Variants in C18orf63 observed in about 807,000 individuals in gnomAD.
The protein encoded by C18orf63 is chromosome 18 open reading frame 63.
In C18orf63, 50 loss-of-function variants were observed where a neutral mutation model predicts 75.3. That is an observed-to-expected ratio of 0.66 (90% confidence interval 0.53 to 0.84). The LOEUF (loss-of-function observed/expected upper bound fraction) is 0.84. C18orf63 is among the 40% of genes least tolerant of loss of function. The pLI is 0.00. For synonymous variants in C18orf63, 232 were observed against 267.6 expected, an observed-to-expected ratio of 0.87 and a Z score of 1.30; for missense variants, 732 against 800.2, an observed-to-expected ratio of 0.91 and a Z score of 1.03.
intron 7 of C18orf63, among the ~76,000 whole-genome samples, chr18:74,332,437 G>T (rs1458603005): frequency 6.6e-6 from 1 of 152,148 alleles, no homozygotes; most frequent in Non-Finnish European, 1.5e-5. Context: ...CAGCACGGTG[G>T]CTCACACCTG....
Position 74,353,727 on chromosome 18 carries a change from T to TA in C18orf63, c.1466dup (p.Asn489LysfsTer4), listed in dbSNP as rs1419346145. ...GACAAACTGAATTTAGGTCCAGCTA[T>TA]AAAAAACCGTTATAGTAGTAACATT... On this transcript the variant is annotated frameshift_variant, in exon 12 of 14. Coordinates refer to ENST00000579455, the MANE Select transcript of C18orf63 (RefSeq NM_001174123.2). LOFTEE classifies it high-confidence loss of function. The TA allele has an allele frequency of 1.3e-6, 2 of 1,535,948 alleles. No individual in the cohort carries two copies. Among genetic ancestry groups the TA allele is most frequent in the South Asian group, 1.2e-5 (1 of 84,058 alleles).
chr18:74,354,256 T>G lies in C18orf63; in HGVS notation c.1989T>G (p.Ser663=). 1 of 1,508,632 alleles carries G rather than the reference T, an allele frequency of 6.6e-7. No homozygotes were observed. The highest frequency in any genetic ancestry group is 8.8e-7 in the Non-Finnish European group (1 of 1,137,970). The allele number at this position is 1,508,632 out of a possible 1,614,324, so 93.5% of individuals were successfully genotyped here. A position where few individuals can be genotyped will look rare whatever the true frequency, so the allele number is the denominator to read the frequency against. Residue 663 remains serine (S), a synonymous_variant, in exon 12 of 14, where the codon TCT becomes TCG. Coordinates refer to ENST00000579455, the MANE Select transcript of C18orf63 (RefSeq NM_001174123.2). ...CTGTGCACTATGGCCAATCCAGTTC[T>G]TCTAAGAAGCAGGTAAAAAAAAAAT... The part of the protein sequence containing the change: ...SDTVHYGQSS[S]SKKQILDSDK...
Position 74,342,074 on chromosome 18 carries a change from C to T in C18orf63, c.654C>T (p.Pro218=), listed in dbSNP as rs79415971. ...GQIINIFHAI[P]AACPFHSYGD... ...TTATAAATATTTTTCATGCCATCCC[C>T]GCTGCCTGTCCTTTTCACTCATATG... The change falls in exon 9 of 14, where the codon CCC becomes CCT. Residue 218 remains proline, a synonymous_variant. Coordinates refer to ENST00000579455, the MANE Select transcript of C18orf63 (RefSeq NM_001174123.2). 13,575 of 1,528,844 alleles carry T rather than the reference C, an allele frequency of 8.9e-3. 592 individuals carry two copies. The East Asian group carries it at 0.15, about 17-fold the overall frequency. 94.7% of individuals were successfully genotyped at this position (1,528,844 alleles called of 1,614,324 possible).
intron 11 of C18orf63, among the ~76,000 whole-genome samples, chr18:74,351,191 G>A (rs544489016): frequency 9.9e-5 from 15 of 152,210 alleles, no homozygotes; most frequent in East Asian, 1.9e-4. Context: ...GGGACTTTCC[G>A]TTTTTCCCAA....
intron 5 of C18orf63, among the ~76,000 whole-genome samples, chr18:74,328,401 C>A (rs577862578): frequency 6.6e-6 from 1 of 152,272 alleles, no homozygotes; most frequent in South Asian, 2.1e-4. Context: ...CCACCGGGTC[C>A]TTCCCACAAC....
intron 7 of C18orf63, among the ~76,000 whole-genome samples, chr18:74,334,752 A>T (rs1412710046): frequency 6.6e-6 from 1 of 152,130 alleles, no homozygotes; most frequent in Non-Finnish European, 1.5e-5. Context: ...TCAAAAATCT[A>T]CCATGGCCTC....
chr18:74,338,733 TC>T lies in C18orf63; in HGVS notation c.523del (p.Gln175ArgfsTer4). On this transcript the variant is annotated frameshift_variant, in exon 8 of 14. Coordinates refer to ENST00000579455, the MANE Select transcript of C18orf63 (RefSeq NM_001174123.2). LOFTEE classifies it high-confidence loss of function. ...PAPELKEFEI[S>X]QSIIKDFHAN... ...TTAAAAGCTAAAAGAGTTTGAGATT[TC>T]CCAGAGTATTATAAAGGATTTTCAT... 7.3e-7 allele frequency: 1 copy of T among 1,371,176 alleles called. No homozygotes were observed. The highest frequency in any genetic ancestry group is 9.5e-7 in the Non-Finnish European group (1 of 1,047,446). 84.9% of individuals were successfully genotyped at this position (1,371,176 alleles called of 1,614,324 possible).
At chr18:74,319,274 A>G (rs984192863) in intron 2 of C18orf63, among the ~76,000 whole-genome samples, 1 of 152,128 alleles carries the variant, frequency 6.6e-6, no homozygotes, top group Non-Finnish European at 1.5e-5. Flanking sequence ...AGTCTTGAAT[A>G]GCATTTGGCT....
intron 13 of C18orf63, among the ~76,000 whole-genome samples, chr18:74,355,718 G>C (rs1431937622): frequency 6.6e-6 from 1 of 152,122 alleles, no homozygotes; most frequent in Non-Finnish European, 1.5e-5. Context: ...TCAGGAGTTT[G>C]ATACCAGCTT....
At position 74,358,581 on chromosome 18, in the gene C18orf63, A is replaced by G. The variant is rs1462944884; in HGVS notation, c.*2134A>G. The stretch of plus-strand genomic sequence containing the variant: ...TACATTTTACTTCTTTGTGTAAGTT[A>G]TTGGTGATTTATATGCAGTATGGAC... On this transcript the variant is annotated 3_prime_UTR_variant, in exon 14 of 14. Transcript: ENST00000579455. 6 of 152,104 alleles carry G rather than the reference A, an allele frequency of 3.9e-5. No homozygotes were observed. Among genetic ancestry groups the G allele is most frequent in the Non-Finnish European group, 8.8e-5 (6 of 67,992 alleles). 9.4% of individuals were successfully genotyped at this position (152,104 alleles called of 1,614,324 possible). A position where few individuals can be genotyped will look rare whatever the true frequency, so the allele number is the denominator to read the frequency against.
intron 7 of C18orf63, among the ~76,000 whole-genome samples, chr18:74,337,910 A>T (rs73970145): frequency 0.019 from 2,956 of 152,210 alleles, 90 homozygotes; most frequent in African/African-American, 0.067. Context: ...AGGCAATAAA[A>T]AGTTGTCCAG....
intron 5 of C18orf63, among the ~76,000 whole-genome samples, chr18:74,328,570 A>G (rs1984247767): frequency 6.6e-6 from 1 of 152,202 alleles, no homozygotes; most frequent in African/African-American, 2.4e-5. Flanking sequence ...ACAACAACAT[A>G]AATGTCATTT....
At position 74,356,877 on chromosome 18, in the gene C18orf63, A is replaced by G. The variant is rs1984775220; in HGVS notation, c.*430A>G. On this transcript the variant is annotated 3_prime_UTR_variant, in exon 14 of 14. Coordinates refer to ENST00000579455, the MANE Select transcript of C18orf63 (RefSeq NM_001174123.2). Reference sequence around the variant, plus strand: ...ATCTACCAGTTATTAATATTTTGCCACTGTTTCATCTGTTCCTCACAGACA... The same window carrying G: ...ATCTACCAGTTATTAATATTTTGCCGCTGTTTCATCTGTTCCTCACAGACA... The G allele has an allele frequency of 6.6e-6, 1 of 152,164 alleles. No individual in the cohort carries two copies. The highest frequency in any genetic ancestry group is 1.5e-5 in the Non-Finnish European group (1 of 68,022). The allele number at this position is 152,164 out of a possible 1,614,324, so 9.4% of individuals were successfully genotyped here. A position where few individuals can be genotyped will look rare whatever the true frequency, so the allele number is the denominator to read the frequency against.
At chr18:74,342,907 T>G (rs1349777452) in intron 10 of C18orf63, among the ~76,000 whole-genome samples, 1 of 152,160 alleles carries the variant, frequency 6.6e-6, no homozygotes, top group Non-Finnish European at 1.5e-5. Flanking sequence ...TCTGACCTGC[T>G]GGAGTTTAAA....
chr18:74,336,628 C>A (rs1209408899), intron 7 of C18orf63, among the ~76,000 whole-genome samples: 1 of 152,056 alleles, frequency 6.6e-6, no homozygotes, highest in African/African-American at 2.4e-5. Flanking sequence ...AGCCTATACA[C>A]CAGTACCTCC....
At chr18:74,337,279 C>G (rs1430241006) in intron 7 of C18orf63, among the ~76,000 whole-genome samples, 1 of 152,076 alleles carries the variant, frequency 6.6e-6, no homozygotes, top group Non-Finnish European at 1.5e-5. Flanking sequence ...TTCGCAGTCT[C>G]TTGGAGTATA....
chr18:74,352,915 A>G (rs773656103), intron 11 of C18orf63, among the ~76,000 whole-genome samples: 4 of 152,166 alleles, frequency 2.6e-5, no homozygotes, highest in Non-Finnish European at 4.4e-5. Context: ...AGGAGGTCAT[A>G]CCTTGCTCAG....
At chr18:74,347,413 T>C (rs1984591810) in intron 11 of C18orf63, among the ~76,000 whole-genome samples, 2 of 152,244 alleles carry the variant, frequency 1.3e-5, no homozygotes, top group Non-Finnish European at 2.9e-5. Flanking sequence ...CTGGTCCAGA[T>C]AGCCAGGCCT....
At chr18:74,339,120 TA>T (rs1381626951) in intron 8 of C18orf63, among the ~76,000 whole-genome samples, 1 of 152,076 alleles carries the variant, frequency 6.6e-6, no homozygotes, top group African/African-American at 2.4e-5. Context: ...ATAATATTAA[TA>T]AAACCTCATA....
Sources: gnomAD v4.1 joint callset for allele counts (sites outside exome capture counted in the v4.1 genomes callset) on GRCh38, gnomAD v4.1.1 for gene constraint, MANE v1.5 for transcripts, NCBI Gene and HGNC (gene_info 2026-07-23, HGNC 2026-07-21) for gene names.